Variants in CSGALNACT1 observed in about 807,000 individuals in gnomAD.
CSGALNACT1 encodes the protein chondroitin sulfate N-acetylgalactosaminyltransferase 1, also known as beta4GalNAcT-1.
In CSGALNACT1, 52 loss-of-function variants were observed where a neutral mutation model predicts 51.0. The ratio of observed to expected loss-of-function variants is 1.02; its 90% confidence interval spans 0.82 to 1.29. The LOEUF (loss-of-function observed/expected upper bound fraction) is 1.29, where lower values mean the gene tolerates loss of function less well. Ranked by LOEUF, CSGALNACT1 falls within the 50% of genes most tolerant of loss-of-function variation. The pLI is 0.00. For synonymous variants in CSGALNACT1, 341 were observed against 254.4 expected, an observed-to-expected ratio of 1.34 and a Z score of -3.24; for missense variants, 935 against 679.2, an observed-to-expected ratio of 1.38 and a Z score of -4.19.
At chr8:19,644,110 T>C (rs576471535) in intron 1 of CSGALNACT1, among the ~76,000 whole-genome samples, 1 of 152,354 alleles carries the variant, frequency 6.6e-6, no homozygotes, top group African/African-American at 2.4e-5. Flanking sequence ...AAATTATGTT[T>C]ATGAGTTTTT....
At chr8:19,742,916 CTT>C (rs2064403350) in intron 1 of CSGALNACT1, among the ~76,000 whole-genome samples, 1 of 152,318 alleles carries the variant, frequency 6.6e-6, no homozygotes, top group Admixed American at 6.5e-5. Flanking sequence ...TGAGAAGCCT[CTT>C]TGCCTCTCTG....
intron 3 of CSGALNACT1, among the ~76,000 whole-genome samples, chr8:19,513,988 A>C (rs531051535): frequency 7.8e-4 from 119 of 152,298 alleles, no homozygotes; most frequent in African/African-American, 2.7e-3. Flanking sequence ...ACATCCACCC[A>C]GAAGTTTCAG....
intron 3 of CSGALNACT1, among the ~76,000 whole-genome samples, chr8:19,552,451 A>G (rs1018412460): frequency 2.0e-5 from 3 of 152,156 alleles, no homozygotes; most frequent in African/African-American, 7.2e-5. Context: ...TTCCCTTCCA[A>G]CAGACCTGCA....
intron 3 of CSGALNACT1, among the ~76,000 whole-genome samples, chr8:19,519,623 C>G (rs1005197271): frequency 6.6e-6 from 1 of 152,140 alleles, no homozygotes; most frequent in Admixed American, 6.5e-5. Flanking sequence ...TGCTTTGATC[C>G]GAAGGCGAGA....
intron 1 of CSGALNACT1, among the ~76,000 whole-genome samples, chr8:19,628,981 T>G (rs2054837535): frequency 6.6e-6 from 1 of 152,136 alleles, no homozygotes; most frequent in African/African-American, 2.4e-5. Flanking sequence ...CTGTATTCCA[T>G]TTTGGTCCAC....
chr8:19,431,069 G>C (rs1442124973), intron 6 of CSGALNACT1, among the ~76,000 whole-genome samples: 1 of 152,044 alleles, frequency 6.6e-6, no homozygotes, highest in Non-Finnish European at 1.5e-5. Context: ...AGCTCTAATA[G>C]TTTTGTGGAT....
At chr8:19,492,374 T>C (rs1369196984) in intron 4 of CSGALNACT1, among the ~76,000 whole-genome samples, 1 of 152,210 alleles carries the variant, frequency 6.6e-6, no homozygotes, top group Non-Finnish European at 1.5e-5. Flanking sequence ...GTTTGTTGAG[T>C]AATTATCCCA....
chr8:19,733,326 A>G (rs575203963), intron 1 of CSGALNACT1, among the ~76,000 whole-genome samples: 35 of 152,360 alleles, frequency 2.3e-4, no homozygotes, highest in African/African-American at 7.0e-4. Flanking sequence ...ACATTGCAAG[A>G]TCACAGCCAA....
At chr8:19,490,941 G>A (rs556739169) in intron 4 of CSGALNACT1, among the ~76,000 whole-genome samples, 12 of 152,102 alleles carry the variant, frequency 7.9e-5, no homozygotes, top group East Asian at 3.9e-4. Flanking sequence ...ATTCTGTCAC[G>A]TTTAGAATCA....
chr8:19,701,355 T>C (rs764549454), intron 1 of CSGALNACT1, among the ~76,000 whole-genome samples: 1 of 151,198 alleles, frequency 6.6e-6, no homozygotes, highest in Non-Finnish European at 1.5e-5. Flanking sequence ...GGTTTCACCA[T>C]GTTGGCCAGG....
intron 1 of CSGALNACT1, among the ~76,000 whole-genome samples, chr8:19,634,604 G>C (rs568691785): frequency 1.1e-3 from 166 of 152,330 alleles, no homozygotes; most frequent in Non-Finnish European, 2.1e-3. Context: ...CTAGGCTGCA[G>C]TGAGCCATGA....
intron 4 of CSGALNACT1, among the ~76,000 whole-genome samples, chr8:19,469,945 G>A (rs1035711987): frequency 2.0e-5 from 3 of 152,184 alleles, no homozygotes; most frequent in Non-Finnish European, 2.9e-5. Context: ...GAAGAAGAAA[G>A]GGAAGGTGCT....
intron 1 of CSGALNACT1, among the ~76,000 whole-genome samples, chr8:19,661,327 T>C (rs2058728089): frequency 6.6e-6 from 1 of 152,208 alleles, no homozygotes; most frequent in Non-Finnish European, 1.5e-5. Context: ...CATGTGAAGA[T>C]GAGTCACCTA....
At chr8:19,623,065 A>G (rs1475149697) in intron 1 of CSGALNACT1, among the ~76,000 whole-genome samples, 2 of 152,242 alleles carry the variant, frequency 1.3e-5, no homozygotes, top group African/African-American at 4.8e-5. Flanking sequence ...AGTAAAGTAA[A>G]TAAAAAAGAG....
rs139703706 is a variant in CSGALNACT1, at chr8:19,563,287, G to A, written c.-297+27873C>T. 8.5e-4 allele frequency among the ~76,000 whole-genome samples: 129 copies of A among 152,250 alleles called. 1 individual carries two copies. Among genetic ancestry groups the A allele is most frequent in the Non-Finnish European group, 1.5e-3 (103 of 68,022 alleles). On this transcript the variant is annotated intron_variant, in intron 3 of 9. Coordinates refer to ENST00000454498, the Ensembl canonical transcript of CSGALNACT1. ...CAATCGGGTCTGTCAGGAGGGTCAG[G>A]GGGAGGGAGAGCATCAGGAACAATA...
At position 19,518,100 on chromosome 8, in the gene CSGALNACT1, A is replaced by G. The variant is rs183010055; in HGVS notation, c.-296-11970T>C. ...CATGCTGTTAATTAACAAAGAGGGG[A>G]CTAATTTAAAAATGAGCAACACTCC... On this transcript the variant is annotated intron_variant, in intron 3 of 9. Transcript: ENST00000454498. 2.0e-5 allele frequency among the ~76,000 whole-genome samples: 3 copies of G among 152,284 alleles called. No homozygotes were observed. The East Asian group carries it at 5.8e-4, about 29-fold the overall frequency.
At chr8:19,583,617 T>C (rs948464042) in intron 3 of CSGALNACT1, among the ~76,000 whole-genome samples, 1 of 152,172 alleles carries the variant, frequency 6.6e-6, no homozygotes, top group South Asian at 2.1e-4. Flanking sequence ...CACAACAACA[T>C]AGCAGCAGAG....
intron 3 of CSGALNACT1, among the ~76,000 whole-genome samples, chr8:19,550,104 G>C (rs1255317768): frequency 6.6e-6 from 1 of 152,014 alleles, no homozygotes; most frequent in Non-Finnish European, 1.5e-5. Flanking sequence ...TTTTTGTGTA[G>C]TTGTCTCTTC....
intron 3 of CSGALNACT1, among the ~76,000 whole-genome samples, chr8:19,552,727 A>C (rs989503918): frequency 6.6e-6 from 1 of 152,228 alleles, no homozygotes; most frequent in African/African-American, 2.4e-5. Context: ...AACAGATTGC[A>C]CTGTTAAAAA....
Sources: allele counts gnomAD v4.1 joint callset (sites outside exome capture counted in the v4.1 genomes callset), GRCh38; gene constraint gnomAD v4.1.1; transcripts MANE v1.5; gene names NCBI Gene and HGNC (gene_info 2026-07-23, HGNC 2026-07-21).